The following PANX1 variants were observed in gnomAD, a reference collection of about 807,000 sequenced individuals.
PANX1 encodes pannexin 1, also known as pannexin-1.
In PANX1, 30 loss-of-function variants were observed where a neutral mutation model predicts 38.7. That is an observed-to-expected ratio of 0.78 (90% CI 0.58 to 1.05). The LOEUF (loss-of-function observed/expected upper bound fraction) is 1.05. Ranked by LOEUF, PANX1 falls within the 50% of genes least tolerant of loss-of-function variation. The pLI is 0.00. For synonymous variants in PANX1, 230 were observed against 212.2 expected, an observed-to-expected ratio of 1.08 and a Z score of -0.73; for missense variants, 551 against 517.2, an observed-to-expected ratio of 1.07 and a Z score of -0.63.
At chr11:94,131,917 T>C (rs543234220) in intron 1 of PANX1, among the ~76,000 whole-genome samples, 5 of 152,328 alleles carry the variant, frequency 3.3e-5, no homozygotes, top group African/African-American at 1.2e-4. Context: ...GCTGGCACTT[T>C]GCCCACCATA....
intron 1 of PANX1, among the ~76,000 whole-genome samples, chr11:94,131,942 C>G (rs1946634615): frequency 6.6e-6 from 1 of 152,208 alleles, no homozygotes; most frequent in African/African-American, 2.4e-5. Context: ...CCAGTGAACT[C>G]AGGCCCCGGG....
At chr11:94,143,834 G>C (rs1289379903) in intron 1 of PANX1, among the ~76,000 whole-genome samples, 3 of 151,094 alleles carry the variant, frequency 2.0e-5, no homozygotes, top group African/African-American at 7.3e-5. Flanking sequence ...CTGCAGCCTT[G>C]ACCTCTGGGG....
intron 2 of PANX1, among the ~76,000 whole-genome samples, chr11:94,162,896 G>A (rs1337772533): frequency 1.5e-5 from 1 of 65,854 alleles, no homozygotes; most frequent in Non-Finnish European, 2.7e-5. Context: ...TTTTGAGACA[G>A]GGTCTCACTT....
At chr11:94,145,772 T>G (rs1227746013) in intron 1 of PANX1, among the ~76,000 whole-genome samples, 1 of 152,156 alleles carries the variant, frequency 6.6e-6, no homozygotes, top group Non-Finnish European at 1.5e-5. Flanking sequence ...TTGTGTACAG[T>G]TTGGGATTGA....
intron 2 of PANX1, among the ~76,000 whole-genome samples, chr11:94,162,962 C>T (rs1947063906): frequency 6.7e-6 from 1 of 150,184 alleles, no homozygotes; most frequent in African/African-American, 2.5e-5. Context: ...GCCTCAATCT[C>T]CTGGGTGTAA....
chr11:94,164,982 A>G (rs1357346920), intron 2 of PANX1, among the ~76,000 whole-genome samples: 2 of 152,148 alleles, frequency 1.3e-5, no homozygotes, highest in African/African-American at 4.8e-5. Flanking sequence ...TATCTGATAC[A>G]TGTATAGCTA....
chr11:94,142,827 T>C (rs1224516944), intron 1 of PANX1, among the ~76,000 whole-genome samples: 2 of 152,206 alleles, frequency 1.3e-5, no homozygotes, highest in East Asian at 3.9e-4. Flanking sequence ...CTGTGCTCTG[T>C]TGCCCCGTGT....
chr11:94,170,089 T>C (rs932359168), intron 2 of PANX1, among the ~76,000 whole-genome samples: 1 of 151,802 alleles, frequency 6.6e-6, no homozygotes, highest in South Asian at 2.1e-4. Flanking sequence ...ACCTTTCTCT[T>C]TGTAGGTATA....
chr11:94,178,265 T>A, intron 2 of PANX1, 104 bp from the exon 3 acceptor site: 1 of 852,864 alleles, frequency 1.2e-6, no homozygotes, highest in Non-Finnish European at 1.9e-6. Context: ...ATTTCCACAA[T>A]ACACATTTGT....
intron 2 of PANX1, among the ~76,000 whole-genome samples, chr11:94,171,943 C>T (rs72972518): frequency 0.28 from 41,811 of 149,074 alleles, 6,862 homozygotes; most frequent in Admixed American, 0.38. Context: ...TCCCTTTGTT[C>T]AAGTTTAGAA....
Position 94,180,062 on chromosome 11 carries a change from G to C in PANX1, c.1006G>C (p.Glu336Gln). The C allele has an allele frequency of 6.2e-7, 1 of 1,612,648 alleles. No homozygotes were observed. Among genetic ancestry groups the C allele is most frequent in the Middle Eastern group, 1.7e-4 (1 of 6,058 alleles). The change falls in exon 4 of 5, where the codon GAG becomes CAG. Residue 336 changes from glutamate (E) to glutamine (Q), a missense_variant. Glu to Gln is a conservative substitution (Grantham distance 29). Transcript: ENST00000227638. ...TTTGAGCCTCTACAATCTCTTCTTG[G>C]AGGAAAATATAAGTGAGGTCAAGTC... ...NDLSLYNLFL[E>Q]ENISEVKSYK...
chr11:94,157,792 T>C (rs1406139409), intron 2 of PANX1, among the ~76,000 whole-genome samples: 2 of 152,170 alleles, frequency 1.3e-5, no homozygotes, highest in Non-Finnish European at 1.5e-5. Flanking sequence ...TTGCTTTTGG[T>C]GTTTTAGACA....
At chr11:94,169,720 A>C (rs921004413) in intron 2 of PANX1, among the ~76,000 whole-genome samples, 3 of 151,672 alleles carry the variant, frequency 2.0e-5, no homozygotes, top group Non-Finnish European at 4.4e-5. Context: ...AGCCAAGCCA[A>C]GGAATGCTGG....
rs1038877438 is a variant in PANX1, at chr11:94,174,329, T to G, written c.322-4040T>G. Among the ~76,000 whole-genome samples the G allele has an allele frequency of 1.8e-4, 28 of 151,402 alleles. 1 individual carries two copies. The highest frequency in any genetic ancestry group is 3.3e-4 in the Admixed American group (5 of 15,236). Reference sequence around the variant, plus strand: ...TCACTCACAGGCTTGTTCATTTACCTTGGTGCTCTGGATGAGTGAGAATTC... The same window carrying G: ...TCACTCACAGGCTTGTTCATTTACCGTGGTGCTCTGGATGAGTGAGAATTC... On this transcript the variant is annotated intron_variant, in intron 2 of 4. Coordinates refer to ENST00000227638, the MANE Select transcript of PANX1 (RefSeq NM_015368.4).
At chr11:94,137,290 G>A (rs1280290780) in intron 1 of PANX1, among the ~76,000 whole-genome samples, 6 of 152,130 alleles carry the variant, frequency 3.9e-5, no homozygotes, top group Non-Finnish European at 7.3e-5. Flanking sequence ...GCGACAGAGC[G>A]AGACTCCTTC....
chr11:94,179,524 T>G, intron 3 of PANX1, 78 bp from the exon 4 acceptor site: 7 of 1,021,616 alleles, frequency 6.9e-6, no homozygotes, highest in Non-Finnish European at 1.0e-5. Flanking sequence ...AGTGTGACAT[T>G]GTTGAATGTG....
intron 2 of PANX1, among the ~76,000 whole-genome samples, chr11:94,176,346 A>G (rs1446711335): frequency 6.6e-6 from 1 of 151,712 alleles, no homozygotes; most frequent in Non-Finnish European, 1.5e-5. Flanking sequence ...AACTGTCACA[A>G]AACCAAGGAG....
At chr11:94,153,379 C>A in intron 1 of PANX1, 112 bp from the exon 2 acceptor site, 1 of 1,041,282 alleles carries the variant, frequency 9.6e-7, no homozygotes, top group Non-Finnish European at 1.4e-6. Flanking sequence ...CTAATGTCTC[C>A]ACCTCCTGTC....
At chr11:94,158,464 A>C (rs1946981709) in intron 2 of PANX1, among the ~76,000 whole-genome samples, 1 of 151,902 alleles carries the variant, frequency 6.6e-6, no homozygotes, top group African/African-American at 2.4e-5. Context: ...GGTCCTTCAC[A>C]TCCCTTGTAA....
Sources: gnomAD v4.1 joint callset for allele counts (sites outside exome capture counted in the v4.1 genomes callset) on GRCh38, gnomAD v4.1.1 for gene constraint, MANE v1.5 for transcripts, NCBI Gene and HGNC (gene_info 2026-07-23, HGNC 2026-07-21) for gene names.